KIF13A: variants seen among roughly 807,000 people sequenced by gnomAD.
KIF13A encodes the protein kinesin-like protein KIF13A.
Under a neutral mutation model 212.2 loss-of-function variants are expected in KIF13A, and 79 were observed. That is an observed-to-expected ratio of 0.37 (90% confidence interval 0.31 to 0.45). KIF13A has a LOEUF of 0.45. Among genes scored for constraint, KIF13A ranks in the 20% least tolerant of loss-of-function variants. The pLI, the probability that KIF13A is intolerant of heterozygous loss-of-function variation, is 1.00. For synonymous variants in KIF13A, 789 were observed against 808.6 expected (o/e 0.98, Z 0.41); for missense variants, 1,901 against 2,209.0 (o/e 0.86, Z 2.79).
intron 2 of KIF13A, among the ~76,000 whole-genome samples, chr6:17,908,560 T>A (rs189911420): frequency 1.2e-3 from 190 of 152,188 alleles, no homozygotes; most frequent in African/African-American, 4.2e-3. Flanking sequence ...GCCATGGTCA[T>A]GCCACCGCAC....
chr6:17,894,042 G>GC (rs1281289753), intron 3 of KIF13A, among the ~76,000 whole-genome samples: 2 of 151,708 alleles, frequency 1.3e-5, no homozygotes, highest in Non-Finnish European at 2.9e-5. Context: ...GTTTCACTGT[G>GC]TTAGCCAGGC....
At chr6:17,792,353 C>A (rs1234538155) in intron 25 of KIF13A, among the ~76,000 whole-genome samples, 1 of 152,082 alleles carries the variant, frequency 6.6e-6, no homozygotes, top group Non-Finnish European at 1.5e-5. Context: ...ATTTATTAAG[C>A]CACAAAATTT....
At chr6:17,854,546 ATTTTTT>A (rs36073765) in intron 6 of KIF13A, among the ~76,000 whole-genome samples, 1,134 of 77,084 alleles carry the variant, frequency 0.015, 11 homozygotes, top group African/African-American at 0.056. Flanking sequence ...AATCAGTATA[ATTTTTT>A]TTTTTTTTTT....
chr6:17,979,559 T>C (rs1205138189), intron 2 of KIF13A, among the ~76,000 whole-genome samples: 1 of 151,424 alleles, frequency 6.6e-6, no homozygotes, highest in Admixed American at 6.6e-5. Flanking sequence ...CAAAGATAAA[T>C]CATGTATAGT....
At chr6:17,917,128 C>A (rs1208895428) in intron 2 of KIF13A, among the ~76,000 whole-genome samples, 1 of 151,802 alleles carries the variant, frequency 6.6e-6, no homozygotes, top group Non-Finnish European at 1.5e-5. Flanking sequence ...GACTGTGCTG[C>A]ATTTCCATGA....
chr6:17,850,008 G>C lies in KIF13A; in HGVS notation c.717+315C>G, dbSNP rs956920222. On this transcript the variant is annotated intron_variant, in intron 8 of 38. Transcript: ENST00000259711. This position sits in a 1 kb window ranked among gnomAD's most constrained non-coding sequence, Gnocchi z 6.2. ...ACAATTATTTTTCTTTTTTGTTTTT[G>C]TAGAGTCTGGGTGTTGCTATATTGT... 6.6e-6 allele frequency among the ~76,000 whole-genome samples: 1 copy of C among 151,922 alleles called. No individual in the cohort carries two copies. Among genetic ancestry groups the C allele is most frequent in the Admixed American group, 6.6e-5 (1 of 15,266 alleles).
Position 17,764,499 on chromosome 6 carries a change from T to C in KIF13A, c.5029A>G (p.Lys1677Glu). 1 of 1,614,058 alleles carries C rather than the reference T, an allele frequency of 6.2e-7. No homozygotes were observed. The highest frequency in any genetic ancestry group is 8.5e-7 in the Non-Finnish European group (1 of 1,179,894). The change falls in exon 39 of 39, where the codon AAA becomes GAA. Residue 1677 changes from lysine (K) to glutamate (E), a missense_variant. Physicochemically the swap from Lys to Glu is moderately conservative, Grantham distance 56 (BLOSUM62 1). This residue lies in a region of KIF13A where 687 missense variants were observed against 759.1 expected (regional missense o/e 0.90). Coordinates refer to ENST00000259711, the MANE Select transcript of KIF13A (RefSeq NM_022113.6). The surrounding 1 kb of genome is among the most constrained non-coding windows in gnomAD (Gnocchi z 5.1). Reference sequence around the variant, plus strand: ...ATGCTCTGGGATGATGGGCTCCCTTTGGCTAAGGCACTGTTTTCCTTGAGT... The same window carrying C: ...ATGCTCTGGGATGATGGGCTCCCTTCGGCTAAGGCACTGTTTTCCTTGAGT... ...VPLKENSALA[K>E]GSPSSQSIPE...
chr6:17,779,605 G>C lies in KIF13A; in HGVS notation c.3926C>G (p.Ser1309Cys), dbSNP rs948560314. The change falls in exon 32 of 39, where the codon TCC becomes TGC. Residue 1309 changes from serine (S) to cysteine (C), a missense_variant. By Grantham distance (112) the Ser-to-Cys change is moderately radical. Transcript: ENST00000259711. The part of the protein sequence containing the change: ...YSCGVTYEIV[S>C]NIPKATEEIE... ...CATATATTTTACCTTTGGTATATTG[G>C]ATACTATTTCATAGGTTACACCACA... 7.1e-7 allele frequency: 1 copy of C among 1,404,018 alleles called. No homozygotes were observed. Among genetic ancestry groups the C allele is most frequent in the Non-Finnish European group, 1.0e-6 (1 of 1,003,544 alleles). The allele number at this position is 1,404,018 out of a possible 1,614,324, so 87.0% of individuals were successfully genotyped here.
intron 2 of KIF13A, among the ~76,000 whole-genome samples, chr6:17,955,480 AT>A (rs1483135341): frequency 6.6e-6 from 1 of 152,218 alleles, no homozygotes; most frequent in African/African-American, 2.4e-5. Flanking sequence ...TACCTATACA[AT>A]AAGTAAAATC....
intron 2 of KIF13A, among the ~76,000 whole-genome samples, chr6:17,974,940 C>G (rs747693117): frequency 6.6e-6 from 1 of 152,206 alleles, no homozygotes; most frequent in Non-Finnish European, 1.5e-5. Flanking sequence ...GAAGATATAG[C>G]ATATTTCCAT....
chr6:17,828,352 C>T lies in KIF13A; in HGVS notation c.1420G>A (p.Ala474Thr). The T allele has an allele frequency of 6.2e-7, 1 of 1,611,686 alleles. No individual in the cohort carries two copies. Among genetic ancestry groups the T allele is most frequent in the Non-Finnish European group, 8.5e-7 (1 of 1,178,886 alleles). Residue 474 changes from alanine (A) to threonine (T), a missense_variant, in exon 14 of 39, where the codon GCA becomes ACA. Physicochemically the swap from Ala to Thr is moderately conservative, Grantham distance 58. Transcript: ENST00000259711. This position sits in a 1 kb window ranked among gnomAD's most constrained non-coding sequence, Gnocchi z 4.3. ...AGCTGGATATCTTGAGAGGTATCTGCACCCACCCTGGTGTGATCCTAGTAA... is the reference window on the plus strand; with the variant it reads ...AGCTGGATATCTTGAGAGGTATCTGTACCCACCCTGGTGTGATCCTAGTAA... ...YYLKDHTRVG[A>T]DTSQDIQLFG... is the part of the protein sequence containing the mutation.
chr6:17,966,443 ATTTT>A (rs543132119), intron 2 of KIF13A, among the ~76,000 whole-genome samples: 3 of 116,062 alleles, frequency 2.6e-5, no homozygotes, highest in Non-Finnish European at 3.4e-5. Context: ...AAGACTCTGA[ATTTT>A]TTTTTTTTTT....
In KIF13A at chr6:17,773,593, A is replaced by C. The variant is rs1159310549; in HGVS notation, c.4219-10T>G. 1 of 1,520,422 alleles carries C rather than the reference A, an allele frequency of 6.6e-7. No individual in the cohort carries two copies. Among genetic ancestry groups the C allele is most frequent in the Admixed American group, 1.7e-5 (1 of 59,338 alleles). 94.2% of individuals were successfully genotyped at this position (1,520,422 alleles called of 1,614,324 possible). A position where few individuals can be genotyped will look rare whatever the true frequency, so the allele number is the denominator to read the frequency against. On this transcript the variant is annotated splice_polypyrimidine_tract_variant and intron_variant, in intron 35 of 38. Transcript: ENST00000259711. The surrounding 1 kb of genome is among the most constrained non-coding windows in gnomAD (Gnocchi z 4.2). ...GGTTCTCTGGCCAACCCTACAAGGT[A>C]AAAATATGGGTTAACTGTAATTGAA...
chr6:17,916,181 C>T (rs1774499955), intron 2 of KIF13A, among the ~76,000 whole-genome samples: 1 of 152,112 alleles, frequency 6.6e-6, no homozygotes, highest in Non-Finnish European at 1.5e-5. Context: ...GGAAATATGA[C>T]ATTAAAAATC....
chr6:17,779,258 T>TATATATATATA (rs930789162), intron 32 of KIF13A, among the ~76,000 whole-genome samples, 159 bp from the exon 33 acceptor site: 15 of 6,340 alleles, frequency 2.4e-3, no homozygotes, highest in East Asian at 0.011. Context: ...TATATATATA[T>TATATATATATA]TTTTTTTTTT....
chr6:17,808,662 G>T, intron 18 of KIF13A, 106 bp downstream of exon 18: 1 of 983,082 alleles, frequency 1.0e-6, no homozygotes, highest in Non-Finnish European at 1.5e-6. Flanking sequence ...ATCTCTGGCT[G>T]ATATCAGGAT....
At chr6:17,909,152 A>G (rs1211016912) in intron 2 of KIF13A, among the ~76,000 whole-genome samples, 1 of 152,246 alleles carries the variant, frequency 6.6e-6, no homozygotes, top group Admixed American at 6.5e-5. Context: ...AAATGTCAAC[A>G]TTGCTGAAAC....
At chr6:17,760,187 A>C (rs1444409315), downstream of KIF13A, 1 of 152,236 alleles carries the variant, frequency 6.6e-6, no homozygotes, top group Non-Finnish European at 1.5e-5. Context: ...AAGAGTGGAC[A>C]GCAAAAATGT....
chr6:17,812,315 G>T (rs1348383733), intron 17 of KIF13A: 4 of 150,116 alleles, frequency 2.7e-5, no homozygotes, highest in African/African-American at 4.9e-5. Flanking sequence ...GCAGGTTTTT[G>T]TTTTTTTTTC....
Sources: allele counts gnomAD v4.1 joint callset (sites outside exome capture counted in the v4.1 genomes callset), GRCh38; gene constraint gnomAD v4.1.1; regional missense constraint gnomAD v4.1.1; non-coding constraint Gnocchi (gnomAD v3.1); transcripts MANE v1.5; gene names NCBI Gene and HGNC (gene_info 2026-07-23, HGNC 2026-07-21).